Variants in ESRRG observed in about 807,000 individuals in gnomAD.
ESRRG encodes estrogen-related receptor gamma.
A neutral mutation model predicts 44.0 loss-of-function variants in ESRRG; 13 were observed. The observed-to-expected ratio is 0.30, with a 90% confidence interval of 0.19 to 0.47. ESRRG has a LOEUF of 0.47. Among genes scored for constraint, ESRRG ranks in the 20% least tolerant of loss-of-function variants. The pLI, the probability that ESRRG is intolerant of heterozygous loss-of-function variation, is 1.00. For synonymous variants in ESRRG, 215 were observed against 214.6 expected, an observed-to-expected ratio of 1.00 and a Z score of -0.02; for missense variants, 395 against 580.6, an observed-to-expected ratio of 0.68 and a Z score of 3.29.
chr1:216,731,757 C>A (rs1473482266), intron 2 of ESRRG, among the ~76,000 whole-genome samples: 1 of 152,180 alleles, frequency 6.6e-6, no homozygotes, highest in South Asian at 2.1e-4. Context: ...GGCATGAGGC[C>A]TGTACTCAGG....
At chr1:217,040,470 C>T (rs563589530) in intron 1 of ESRRG, among the ~76,000 whole-genome samples, 1 of 152,064 alleles carries the variant, frequency 6.6e-6, no homozygotes, top group African/African-American at 2.4e-5. Context: ...TCTCTTCAAA[C>T]TATTCATTTT....
At chr1:216,607,693 CTATTT>C (rs1417332679) in intron 3 of ESRRG, among the ~76,000 whole-genome samples, 1 of 152,174 alleles carries the variant, frequency 6.6e-6, no homozygotes, top group African/African-American at 2.4e-5. Flanking sequence ...GAGACCACAA[CTATTT>C]TATTTTCAGA....
chr1:217,085,481 ATTTTTTTTT>A (rs148354268), intron 1 of ESRRG, among the ~76,000 whole-genome samples: 5 of 49,132 alleles, frequency 1.0e-4, no homozygotes, highest in Admixed American at 3.4e-4. Context: ...TTTTCTTTTC[ATTTTTTTTT>A]TTTTTTTTTT....
chr1:216,936,516 C>A (rs1222134198), intron 2 of ESRRG: 1 of 152,054 alleles, frequency 6.6e-6, no homozygotes, highest in Admixed American at 6.6e-5. Context: ...CAAACACACA[C>A]ACACACACGA....
At chr1:216,608,455 A>G (rs1025125923) in intron 3 of ESRRG, among the ~76,000 whole-genome samples, 1 of 152,172 alleles carries the variant, frequency 6.6e-6, no homozygotes, top group Non-Finnish European at 1.5e-5. Context: ...AAGGAGGGAG[A>G]TACTTCTAGA....
chr1:216,719,669 C>T (rs555635598), intron 1 of ESRRG, among the ~76,000 whole-genome samples: 6 of 151,488 alleles, frequency 4.0e-5, no homozygotes, highest in South Asian at 2.1e-4. Context: ...TATCAAATGC[C>T]GTCAATTTAG....
At chr1:216,526,257 C>T (rs1346995571) in intron 5 of ESRRG, among the ~76,000 whole-genome samples, 1 of 152,080 alleles carries the variant, frequency 6.6e-6, no homozygotes, top group Non-Finnish European at 1.5e-5. Flanking sequence ...CCTCCAGGAC[C>T]TGGGAACATG....
intron 5 of ESRRG, among the ~76,000 whole-genome samples, chr1:216,534,479 T>C (rs1350060049): frequency 6.6e-6 from 1 of 152,106 alleles, no homozygotes; most frequent in Non-Finnish European, 1.5e-5. Flanking sequence ...CTCATGAGTA[T>C]CTCTTTCATG....
At chr1:216,723,540 T>A (rs1439617964), upstream of ESRRG, 2 of 511,084 alleles carry the variant, frequency 3.9e-6, no homozygotes, top group Non-Finnish European at 6.9e-6. Flanking sequence ...TTGGGGGGCC[T>A]CTGCCCAATC....
chr1:216,915,065 C>T (rs1176648709), intron 2 of ESRRG, among the ~76,000 whole-genome samples: 6 of 152,184 alleles, frequency 3.9e-5, no homozygotes. Flanking sequence ...TTCCAAATTT[C>T]TCCCTCAACT....
At chr1:216,586,596 T>C (rs1216888222) in intron 3 of ESRRG, among the ~76,000 whole-genome samples, 12 of 150,554 alleles carry the variant, frequency 8.0e-5, no homozygotes, top group Admixed American at 7.3e-4. Context: ...TTTTTTTTTT[T>C]TTTTGAGATG....
intron 2 of ESRRG, among the ~76,000 whole-genome samples, chr1:216,893,630 G>A (rs1053534435): frequency 3.3e-5 from 5 of 151,960 alleles, no homozygotes; most frequent in African/African-American, 4.8e-5. Context: ...CTTCCTTCAA[G>A]GAGCTTAAAA....
chr1:216,782,032 T>G (rs1299870850), intron 2 of ESRRG, among the ~76,000 whole-genome samples: 1 of 152,078 alleles, frequency 6.6e-6, no homozygotes, highest in Non-Finnish European at 1.5e-5. Context: ...ATAAGCTTTT[T>G]AAAAGCTAGG....
At chr1:217,035,319 C>CAA (rs397709457) in intron 1 of ESRRG, among the ~76,000 whole-genome samples, 15,873 of 74,888 alleles carry the variant, frequency 0.21, 2,013 homozygotes, top group Middle Eastern at 0.31. Context: ...GACTCTGTCT[C>CAA]AAAAAAAAAA....
At chr1:216,787,006 A>G (rs1326793156) in intron 2 of ESRRG, among the ~76,000 whole-genome samples, 1 of 152,116 alleles carries the variant, frequency 6.6e-6, no homozygotes, top group Non-Finnish European at 1.5e-5. Context: ...GCAACCTTTC[A>G]TCAAGCCAGT....
chr1:216,917,992 G>A (rs953285736), intron 2 of ESRRG, among the ~76,000 whole-genome samples: 2 of 152,094 alleles, frequency 1.3e-5, no homozygotes, highest in Admixed American at 1.3e-4. Flanking sequence ...TAATCCATAT[G>A]TCTCTGATTC....
At chr1:216,586,454 G>A (rs1301098479) in intron 3 of ESRRG, among the ~76,000 whole-genome samples, 1 of 152,130 alleles carries the variant, frequency 6.6e-6, no homozygotes, top group Non-Finnish European at 1.5e-5. Flanking sequence ...TTGGCCATTA[G>A]AGGAATGGGC....
intron 1 of ESRRG, among the ~76,000 whole-genome samples, chr1:217,026,032 C>G (rs2081126073): frequency 6.6e-6 from 1 of 152,134 alleles, no homozygotes. Flanking sequence ...CAGCAGAGGA[C>G]CACCTTTGCC....
rs2062768304 is a variant in ESRRG, at chr1:216,927,597, A to G, written c.-14+11985T>C. Among the ~76,000 whole-genome samples, 5 of 152,344 alleles carry G rather than the reference A, an allele frequency of 3.3e-5. No homozygotes were observed. In the South Asian group the frequency reaches 1.0e-3, roughly 32 times the overall value. On this transcript the variant is annotated intron_variant, in intron 2 of 7. Coordinates refer to the ESRRG transcript ENST00000359162. ...CTAACACAATCTTAGGGCCAGCCAT[A>G]TCTTGGAAAGTGACTTGCTCTGCCT...
Sources: allele counts gnomAD v4.1 joint callset (sites outside exome capture counted in the v4.1 genomes callset), GRCh38; gene constraint gnomAD v4.1.1; transcripts MANE v1.5; gene names NCBI Gene and HGNC (gene_info 2026-07-23, HGNC 2026-07-21).